P2RY2: variants seen among roughly 807,000 people sequenced by gnomAD.
P2RY2 encodes the protein P2Y purinoceptor 2.
For synonymous variants in P2RY2, 241 were observed against 231.9 expected (o/e 1.04, Z -0.35); for missense variants, 567 against 515.7 (o/e 1.10, Z -0.96).
Position 73,234,229 on chromosome 11 carries a change from A to G in P2RY2, c.70A>G (p.Arg24Gly). The stretch of plus-strand genomic sequence containing the variant: ...CTGGGATGGGGATGAGCTGGGCTAC[A>G]GGTGCCGCTTCAACGAGGACTTCAA... ...GTWDGDELGY[R>G]CRFNEDFKYV... The change falls in exon 3 of 3, where the codon AGG becomes GGG. Residue 24 changes from arginine (R) to glycine (G), a missense_variant. Coordinates refer to ENST00000393597, the MANE Select transcript of P2RY2 (RefSeq NM_002564.4). 1 of 1,614,168 alleles carries G rather than the reference A, an allele frequency of 6.2e-7. No homozygotes were observed. The highest frequency in any genetic ancestry group is 1.1e-5 in the South Asian group (1 of 91,086).
In P2RY2 at chr11:73,234,551, G is replaced by C. The variant is rs1391666189; in HGVS notation, c.392G>C (p.Arg131Pro). ...TTCCTCACCTGCATCAGCGTGCACC[G>C]GTGTCTGGGCGTCTTACGACCTCTG... Reference protein sequence around the residue: ...ILFLTCISVHRCLGVLRPLRS... With the variant: ...ILFLTCISVHPCLGVLRPLRS... The change falls in exon 3 of 3, where the codon CGG becomes CCG. Residue 131 changes from arginine (R) to proline (P), a missense_variant. Physicochemically the swap from Arg to Pro is moderately radical, Grantham distance 103. Coordinates refer to ENST00000393597, the MANE Select transcript of P2RY2 (RefSeq NM_002564.4). 1.3e-6 allele frequency: 2 copies of C among 1,597,832 alleles called. No individual in the cohort carries two copies. Among genetic ancestry groups the C allele is most frequent in the African/African-American group, 1.3e-5 (1 of 74,606 alleles).
Position 73,234,207 on chromosome 11 carries a change from G to A in P2RY2, c.48G>A (p.Trp16Ter). ...GPWNDTINGT[W>*]DGDELGYRCR... is the part of the protein sequence containing the mutation. ...GGAATGACACCATCAATGGCACCTG[G>A]GATGGGGATGAGCTGGGCTACAGGT... Residue 16 changes from tryptophan (W) to a stop codon, truncating the protein, a stop_gained, in exon 3 of 3, where the codon TGG becomes TGA. Transcript: ENST00000393597. LOFTEE classifies it low-confidence loss of function (END_TRUNC). The A allele has an allele frequency of 6.2e-7, 1 of 1,614,056 alleles. No homozygotes were observed. Among genetic ancestry groups the A allele is most frequent in the Non-Finnish European group, 8.5e-7 (1 of 1,179,958 alleles).
At chr11:73,230,993 G>A (rs1204410998) in intron 2 of P2RY2, among the ~76,000 whole-genome samples, 8 of 152,258 alleles carry the variant, frequency 5.3e-5, no homozygotes, top group East Asian at 1.9e-4. Context: ...AGCCTGGAAC[G>A]AAGTTGGCAG....
In P2RY2 at chr11:73,234,939, A is replaced by G. The variant is rs747426827; in HGVS notation, c.780A>G (p.Pro260=). ...CTGTCTTCGCCCTCTGCTTCCTGCCATTCCACGTCACCCGCACCCTCTACT... is the reference window on the plus strand; with the variant it reads ...CTGTCTTCGCCCTCTGCTTCCTGCCGTTCCACGTCACCCGCACCCTCTACT... ...VLAVFALCFL[P]FHVTRTLYYS... The change falls in exon 3 of 3, where the codon CCA becomes CCG. Residue 260 remains proline, a synonymous_variant. Coordinates refer to ENST00000393597, the MANE Select transcript of P2RY2 (RefSeq NM_002564.4). 5.6e-6 allele frequency: 9 copies of G among 1,610,934 alleles called. No individual in the cohort carries two copies. The East Asian group carries it at 1.1e-4, about 20-fold the overall frequency.
intron 2 of P2RY2, among the ~76,000 whole-genome samples, chr11:73,233,041 T>C (rs1034140287): frequency 6.6e-6 from 1 of 152,086 alleles, no homozygotes; most frequent in African/African-American, 2.4e-5. Flanking sequence ...ATATGCTCAG[T>C]GGGGACAAGG....
At chr11:73,225,373 C>T (rs1862249042) in intron 1 of P2RY2, among the ~76,000 whole-genome samples, 1 of 152,230 alleles carries the variant, frequency 6.6e-6, no homozygotes, top group Admixed American at 6.5e-5. Flanking sequence ...TGGCTCTGCC[C>T]TTGGCTCACT....
At chr11:73,231,579 G>GA (rs994195879) in intron 2 of P2RY2, among the ~76,000 whole-genome samples, 1 of 150,758 alleles carries the variant, frequency 6.6e-6, no homozygotes, top group Non-Finnish European at 1.5e-5. Context: ...AAAAAAGAAA[G>GA]AAAAAAAGAA....
In P2RY2 at chr11:73,237,236, T is replaced by C. The variant is rs1862676068; in HGVS notation, c.*1943T>C. 3 of 521,444 alleles carry C rather than the reference T, an allele frequency of 5.8e-6. No homozygotes were observed. Among genetic ancestry groups the C allele is most frequent in the Non-Finnish European group, 7.4e-6 (3 of 405,954 alleles). The allele number at this position is 521,444 out of a possible 1,614,324, so 32.3% of individuals were successfully genotyped here. A position where few individuals can be genotyped will look rare whatever the true frequency, so the allele number is the denominator to read the frequency against. Reference sequence around the variant, plus strand: ...TCTATACTTCTGTTAATGTAGCCGATGTCCTTCTGAGTTTTTTTTTTCTTT... The same window carrying C: ...TCTATACTTCTGTTAATGTAGCCGACGTCCTTCTGAGTTTTTTTTTTCTTT... On this transcript the variant is annotated 3_prime_UTR_variant, in exon 3 of 3. Transcript: ENST00000393597.
At position 73,234,443 on chromosome 11, in the gene P2RY2, G is replaced by T. The variant is rs1467125605; in HGVS notation, c.284G>T (p.Arg95Leu). ...CCGCTGCTGGTCTATTACTACGCCC[G>T]CGGCGACCACTGGCCCTTCAGCACG... is the stretch of plus-strand genomic sequence containing the variant. ...SLPLLVYYYA[R>L]GDHWPFSTVL... Residue 95 changes from arginine to leucine, a missense_variant, in exon 3 of 3, where the codon CGC becomes CTC. Transcript: ENST00000393597. 1 of 1,614,100 alleles carries T rather than the reference G, an allele frequency of 6.2e-7. No individual in the cohort carries two copies. Among genetic ancestry groups the T allele is most frequent in the Middle Eastern group, 1.6e-4 (1 of 6,062 alleles).
At chr11:73,227,714 C>G (rs1862319330) in intron 1 of P2RY2, among the ~76,000 whole-genome samples, 1 of 152,180 alleles carries the variant, frequency 6.6e-6, no homozygotes, top group Non-Finnish European at 1.5e-5. Flanking sequence ...CTCAGCTGTA[C>G]AGGACATGGG....
chr11:73,221,061 A>G (rs1337104093), intron 1 of P2RY2, among the ~76,000 whole-genome samples: 1 of 152,202 alleles, frequency 6.6e-6, no homozygotes, highest in African/African-American at 2.4e-5. Context: ...ACCAGGGAAG[A>G]GCTTTATAAG....
At position 73,241,262 on chromosome 11, in the gene P2RY2, CT is replaced by C. The variant is rs1862767620; in HGVS notation, c.*5970del. The C allele has an allele frequency of 6.6e-6, 1 of 152,272 alleles. No individual in the cohort carries two copies. Among genetic ancestry groups the C allele is most frequent in the African/African-American group, 2.4e-5 (1 of 41,466 alleles). 9.4% of individuals were successfully genotyped at this position (152,272 alleles called of 1,614,324 possible). On this transcript the variant is annotated 3_prime_UTR_variant, in exon 3 of 3. Transcript: ENST00000393597. ...ATTTTGTTATAGCAGCCCACGCTGACTGTGACTGAACTCAGGGTGACAGAGC... is the reference window on the plus strand; with the variant it reads ...ATTTTGTTATAGCAGCCCACGCTGACGTGACTGAACTCAGGGTGACAGAGC...
At chr11:73,232,645 G>C (rs908117747) in intron 2 of P2RY2, among the ~76,000 whole-genome samples, 2 of 152,162 alleles carry the variant, frequency 1.3e-5, no homozygotes, top group Non-Finnish European at 2.9e-5. Flanking sequence ...CTGGCCTCAA[G>C]TGATCCACCC....
At position 73,236,257 on chromosome 11, in the gene P2RY2, G is replaced by A; in HGVS notation, c.*964G>A. 1.2e-6 allele frequency: 1 copy of A among 853,776 alleles called. No individual in the cohort carries two copies. The allele number at this position is 853,776 out of a possible 1,614,324, so 52.9% of individuals were successfully genotyped here. Reference sequence around the variant, plus strand: ...ATTTAACTGGAGCTCCGATTTAACTGGGAACCCCTTCTTTGTAGAACTGCC... The same window carrying A: ...ATTTAACTGGAGCTCCGATTTAACTAGGAACCCCTTCTTTGTAGAACTGCC... On this transcript the variant is annotated 3_prime_UTR_variant, in exon 3 of 3. Transcript: ENST00000393597.
chr11:73,223,243 C>A (rs1000587609), intron 1 of P2RY2, among the ~76,000 whole-genome samples: 1 of 150,590 alleles, frequency 6.6e-6, no homozygotes, highest in African/African-American at 2.4e-5. Context: ...ATGCTTTCAT[C>A]CCCCTTTCCA....
chr11:73,234,056 A>C (rs1308525816), intron 2 of P2RY2, 100 bp from the exon 3 acceptor site: 1 of 1,433,878 alleles, frequency 7.0e-7, no homozygotes, highest in Non-Finnish European at 9.3e-7. Context: ...TCCAGATCCA[A>C]GTCAGATGGC....
rs184103134 is a variant in P2RY2, at chr11:73,224,286, C to G, written c.-199-3695C>G. Among the ~76,000 whole-genome samples the G allele has an allele frequency of 9.8e-4, 150 of 152,328 alleles. 2 individuals carry two copies. The highest frequency in any genetic ancestry group is 3.4e-3 in the African/African-American group (143 of 41,558). On this transcript the variant is annotated intron_variant, in intron 1 of 2. Coordinates refer to ENST00000393597, the MANE Select transcript of P2RY2 (RefSeq NM_002564.4). ...CACTCTAGCCTTGCCCTCTCCACTC[C>G]CCTCAAGCCACCAGGATGATGAGCA...
At position 73,241,766 on chromosome 11, in the gene P2RY2, A is replaced by T. The variant is rs1329345646; in HGVS notation, c.*6473A>T. The T allele has an allele frequency of 6.6e-6, 1 of 152,382 alleles. No homozygotes were observed. Among genetic ancestry groups the T allele is most frequent in the Non-Finnish European group, 1.5e-5 (1 of 68,186 alleles). The allele number at this position is 152,382 out of a possible 1,614,324, so 9.4% of individuals were successfully genotyped here. A position where few individuals can be genotyped will look rare whatever the true frequency, so the allele number is the denominator to read the frequency against. Reference sequence around the variant, plus strand: ...AATGTGTCTTTCCTGGTGATGCTACAGCCCTCTCTTGCTGACCTTGCTTCC... The same window carrying T: ...AATGTGTCTTTCCTGGTGATGCTACTGCCCTCTCTTGCTGACCTTGCTTCC... On this transcript the variant is annotated 3_prime_UTR_variant, in exon 3 of 3. Coordinates refer to ENST00000393597, the MANE Select transcript of P2RY2 (RefSeq NM_002564.4).
In P2RY2 at chr11:73,237,422, A is replaced by G. The variant is rs2135651696; in HGVS notation, c.*2129A>G. ...GCCACCACACCTGGCTAATTTTTGTATTTTTAATAGAGACAGGGTTTCGCC... is the reference window on the plus strand; with the variant it reads ...GCCACCACACCTGGCTAATTTTTGTGTTTTTAATAGAGACAGGGTTTCGCC... On this transcript the variant is annotated 3_prime_UTR_variant, in exon 3 of 3. Coordinates refer to ENST00000393597, the MANE Select transcript of P2RY2 (RefSeq NM_002564.4). 6.6e-6 allele frequency among the ~76,000 whole-genome samples: 1 copy of G among 151,930 alleles called. No homozygotes were observed. Among genetic ancestry groups the G allele is most frequent in the South Asian group, 2.1e-4 (1 of 4,810 alleles).
Sources: gnomAD v4.1 joint callset for allele counts (sites outside exome capture counted in the v4.1 genomes callset) on GRCh38, gnomAD v4.1.1 for gene constraint, MANE v1.5 for transcripts, NCBI Gene and HGNC (gene_info 2026-07-23, HGNC 2026-07-21) for gene names.